Variants in SEC24B observed in about 807,000 individuals in gnomAD.
SEC24B encodes the protein SEC24 homolog B, COPII component.
In SEC24B, 45 loss-of-function variants were observed where a neutral mutation model predicts 142.8. The observed-to-expected ratio is 0.32, with a 90% CI of 0.25 to 0.40. The LOEUF (loss-of-function observed/expected upper bound fraction) is 0.40, where lower values mean the gene tolerates loss of function less well. Among genes scored for constraint, SEC24B ranks in the 10% least tolerant of loss-of-function variants. The pLI, the probability that SEC24B is intolerant of heterozygous loss-of-function variation, is 1.00. For missense variants in SEC24B, 1,409 were observed against 1,526.8 expected, an observed-to-expected ratio of 0.92 and a Z score of 1.29; for synonymous variants, 574 against 568.2, an observed-to-expected ratio of 1.01 and a Z score of -0.15.
At chr4:109,454,776 T>TCTGTCCTATGTGTG (rs1446420749) in intron 1 of SEC24B, among the ~76,000 whole-genome samples, 1 of 152,218 alleles carries the variant, frequency 6.6e-6, no homozygotes, top group Non-Finnish European at 1.5e-5. Context: ...TAACTTTCCC[T>TCTGTCCTATGTGTG]CTGTCCTATG....
chr4:109,460,622 G>A (rs1301097218), intron 1 of SEC24B, among the ~76,000 whole-genome samples: 1 of 151,730 alleles, frequency 6.6e-6, no homozygotes, highest in African/African-American at 2.4e-5. Flanking sequence ...TAGTTCCTAA[G>A]CATGTAACTG....
chr4:109,520,613 T>C (rs1266212078), intron 12 of SEC24B, 129 bp downstream of exon 12: 2 of 694,798 alleles, frequency 2.9e-6, no homozygotes, highest in Admixed American at 2.6e-5. Context: ...TTCAAAATAA[T>C]TGTTTTTCTG....
At chr4:109,477,918 T>A (rs549543082) in intron 3 of SEC24B, among the ~76,000 whole-genome samples, 1 of 152,246 alleles carries the variant, frequency 6.6e-6, no homozygotes, top group South Asian at 2.1e-4. Flanking sequence ...ATCACAGAAT[T>A]TTTATCTTGA....
chr4:109,452,116 G>A lies in SEC24B; in HGVS notation c.134-10785G>A, dbSNP rs184629717. On this transcript the variant is annotated intron_variant, in intron 1 of 23. Coordinates refer to ENST00000265175, the MANE Select transcript of SEC24B (RefSeq NM_006323.5). ...TTCTTATAGTCAGTACCTCTCACCA[G>A]CCCCTGGCAGCCATTGCTCTGTTCT... Among the ~76,000 whole-genome samples, 3 of 151,586 alleles carry A rather than the reference G, an allele frequency of 2.0e-5. No individual in the cohort carries two copies. The East Asian group carries it at 5.8e-4, about 29-fold the overall frequency.
intron 1 of SEC24B, among the ~76,000 whole-genome samples, chr4:109,451,245 T>G (rs1730051500): frequency 6.6e-6 from 1 of 152,166 alleles, no homozygotes; most frequent in Non-Finnish European, 1.5e-5. Context: ...GGAGACAGGG[T>G]CTTGCTCCAT....
chr4:109,473,087 T>G lies in SEC24B; in HGVS notation c.961T>G (p.Ser321Ala). 6.2e-7 allele frequency: 1 copy of G among 1,603,988 alleles called. No homozygotes were observed. ...AGTGGTATCCACTGTTTTATCAGGATCCTCAGGATCCTCATCAACAAGAAC... is the reference window on the plus strand; with the variant it reads ...AGTGGTATCCACTGTTTTATCAGGAGCCTCAGGATCCTCATCAACAAGAAC... The part of the protein sequence containing the change: ...SPVVSTVLSG[S>A]SGSSSTRTPP... Residue 321 changes from serine to alanine, a missense_variant, in exon 3 of 24, where the codon TCC (serine) becomes GCC (alanine). Ser to Ala is a moderately conservative substitution (Grantham distance 99). Transcript: ENST00000265175.
chr4:109,531,636 C>G (rs1724941911), intron 20 of SEC24B, 114 bp downstream of exon 20: 1 of 731,734 alleles, frequency 1.4e-6, no homozygotes, highest in Non-Finnish European at 2.2e-6. Context: ...CTCTTTTTCC[C>G]CCTTGTGGTA....
chr4:109,459,742 G>A (rs1253159024), intron 1 of SEC24B, among the ~76,000 whole-genome samples: 1 of 152,046 alleles, frequency 6.6e-6, no homozygotes, highest in Non-Finnish European at 1.5e-5. Context: ...TGAATAGTTG[G>A]GACATAATGA....
At chr4:109,520,684 A>AGAGT (rs1188776343) in intron 12 of SEC24B, among the ~76,000 whole-genome samples, 200 bp downstream of exon 12, 3 of 152,188 alleles carry the variant, frequency 2.0e-5, no homozygotes, top group Admixed American at 6.5e-5. Flanking sequence ...ATATATACAG[A>AGAGT]GTGTGTATAT....
chr4:109,449,309 GA>G (rs1729808557), intron 1 of SEC24B: 3 of 339,104 alleles, frequency 8.8e-6, no homozygotes, highest in African/African-American at 4.4e-5. Flanking sequence ...CTGAAGCCTT[GA>G]CCTCCCAGGC....
At position 109,538,554 on chromosome 4, in the gene SEC24B, T is replaced by G; in HGVS notation, c.3650T>G (p.Leu1217Arg). 1 of 1,612,856 alleles carries G rather than the reference T, an allele frequency of 6.2e-7. No homozygotes were observed. The change falls in exon 23 of 24, where the codon CTT (leucine) becomes CGT (arginine). Residue 1217 changes from leucine to arginine, a missense_variant. By Grantham distance (102) the Leu-to-Arg change is moderately radical. Coordinates refer to ENST00000265175, the MANE Select transcript of SEC24B (RefSeq NM_006323.5). Reference sequence around the variant, plus strand: ...AGAGCCAGATCCTTCATAACTTGGCTTAGAGACAGCAGACCATTAAGTCCA... The same window carrying G: ...AGAGCCAGATCCTTCATAACTTGGCGTAGAGACAGCAGACCATTAAGTCCA... ...SERARSFITW[L>R]RDSRPLSPIL...
chr4:109,507,124 A>T (rs1282830884), intron 7 of SEC24B, among the ~76,000 whole-genome samples: 1 of 151,808 alleles, frequency 6.6e-6, no homozygotes, highest in African/African-American at 2.4e-5. Context: ...ACAGTGCCTC[A>T]TGTCTTTGTT....
intron 5 of SEC24B, 64 bp from the exon 6 acceptor site, chr4:109,494,551 A>G: frequency 6.3e-7 from 1 of 1,593,968 alleles, no homozygotes; most frequent in East Asian, 2.2e-5. Context: ...GGACTGGATC[A>G]GGAGTCCAGT....
Position 109,516,613 on chromosome 4 carries a change from G to A in SEC24B, c.2099G>A (p.Cys700Tyr). 1 of 1,609,530 alleles carries A rather than the reference G, an allele frequency of 6.2e-7. No individual in the cohort carries two copies. The highest frequency in any genetic ancestry group is 1.3e-5 in the African/African-American group (1 of 74,932). The change falls in exon 11 of 24, where the codon TGC (cysteine) becomes TAC (tyrosine). Residue 700 changes from cysteine (C) to tyrosine (Y), a missense_variant. Cys to Tyr is a radical substitution (Grantham distance 194, BLOSUM62 -2). This residue lies in a region of SEC24B where 700 missense variants were observed against 853.3 expected (regional missense o/e 0.82). Coordinates refer to ENST00000265175, the MANE Select transcript of SEC24B (RefSeq NM_006323.5). The stretch of plus-strand genomic sequence containing the variant: ...GAAGCTGGATATTTGACAATTTTGT[G>A]CCAGTCACTCCTAGAAAATCTAGAC... ...AVEAGYLTIL[C>Y]QSLLENLDKL...
intron 1 of SEC24B, among the ~76,000 whole-genome samples, chr4:109,445,242 G>GTTTTTTT (rs70949078): frequency 2.7e-5 from 3 of 112,764 alleles, no homozygotes; most frequent in African/African-American, 7.6e-5. Context: ...TTCTTTCTTT[G>GTTTTTTT]TTTTTTTTTT....
chr4:109,501,262 T>A (rs1322817047), intron 6 of SEC24B, among the ~76,000 whole-genome samples: 1 of 152,222 alleles, frequency 6.6e-6, no homozygotes, highest in African/African-American at 2.4e-5. Context: ...CTAGGAGCAA[T>A]AGGCTATATC....
chr4:109,511,089 C>G (rs1245469376), intron 8 of SEC24B, among the ~76,000 whole-genome samples: 2 of 151,336 alleles, frequency 1.3e-5, no homozygotes, highest in Admixed American at 1.3e-4. Context: ...ATCTATAAAC[C>G]AAGACAGTTA....
chr4:109,528,940 A>T (rs886248577), intron 18 of SEC24B, among the ~76,000 whole-genome samples: 1 of 152,198 alleles, frequency 6.6e-6, no homozygotes, highest in East Asian at 1.9e-4. Context: ...AAGCAAGTGG[A>T]TCACTTAACT....
At chr4:109,444,751 G>A (rs1729282243) in intron 1 of SEC24B, among the ~76,000 whole-genome samples, 1 of 151,476 alleles carries the variant, frequency 6.6e-6, no homozygotes, top group African/African-American at 2.4e-5. Context: ...GACCAGCTGA[G>A]CAGCTCCATT....
Sources: gnomAD v4.1 joint callset for allele counts (sites outside exome capture counted in the v4.1 genomes callset) on GRCh38, gnomAD v4.1.1 for gene constraint, gnomAD v4.1.1 regional missense constraint, MANE v1.5 for transcripts, NCBI Gene and HGNC (gene_info 2026-07-23, HGNC 2026-07-21) for gene names.